The following PLCB1 variants were observed in gnomAD, a reference collection of about 807,000 sequenced individuals.
PLCB1 encodes the protein 1-phosphatidylinositol 4,5-bisphosphate phosphodiesterase beta-1.
Under a neutral mutation model 161.8 loss-of-function variants are expected in PLCB1, and 46 were observed. The observed-to-expected ratio is 0.28, with a 90% CI of 0.22 to 0.36. The LOEUF (loss-of-function observed/expected upper bound fraction) is 0.36. Ranked by LOEUF, PLCB1 falls within the 10% of genes least tolerant of loss-of-function variation. The probability of loss-of-function intolerance (pLI) is 1.00; values close to 1 mark genes in which losing one functional copy is unlikely to be tolerated. For synonymous variants in PLCB1, 517 were observed against 503.7 expected (o/e 1.03, Z -0.35); for missense variants, 1,016 against 1,472.5 (o/e 0.69, Z 5.07).
At chr20:8,744,000 T>A (rs1230774209) in intron 23 of PLCB1, among the ~76,000 whole-genome samples, 1 of 152,170 alleles carries the variant, frequency 6.6e-6, no homozygotes, top group African/African-American at 2.4e-5. Flanking sequence ...AAAGATAATT[T>A]ACATAGATAC....
intron 10 of PLCB1, among the ~76,000 whole-genome samples, chr20:8,695,465 G>A (rs977199511): frequency 6.6e-6 from 1 of 152,174 alleles, no homozygotes; most frequent in Non-Finnish European, 1.5e-5. Context: ...ACTTCCTGAG[G>A]CAGAGGCAGG....
In PLCB1 at chr20:8,865,145, G is replaced by GT. The variant is rs904264524; in HGVS notation, c.3424-16469dup. Among the ~76,000 whole-genome samples the GT allele has an allele frequency of 1.1e-4, 16 of 152,128 alleles. No individual in the cohort carries two copies. The South Asian group carries it at 1.2e-3, about 12-fold the overall frequency. Reference sequence around the variant, plus strand: ...AGTGATAACAATGGAAGAAAAGGGAGTTTTTTTTCATCCTTGCACTTTCCT... The same window carrying GT: ...AGTGATAACAATGGAAGAAAAGGGAGTTTTTTTTTCATCCTTGCACTTTCCT... On this transcript the variant is annotated intron_variant, in intron 31 of 31. Transcript: ENST00000338037.
In PLCB1 at chr20:8,733,257, T is replaced by C. The variant is rs778595698; in HGVS notation, c.1908T>C (p.Asn636=). The C allele has an allele frequency of 1.9e-6, 3 of 1,613,856 alleles. No homozygotes were observed. The highest frequency in any genetic ancestry group is 2.5e-6 in the Non-Finnish European group (3 of 1,179,882). The part of the protein sequence containing the change: ...FQTMDLAMQI[N]MGMYEYNGKS... ...ACTCAGACCTGGCTATGCAAATAAA[T>C]ATGGGGATGTATGAATACAACGGGA... The change falls in exon 19 of 32, where the codon AAT becomes AAC. Residue 636 remains asparagine, a synonymous_variant. Transcript: ENST00000338037.
chr20:8,431,530 C>T (rs1444994960), intron 3 of PLCB1, among the ~76,000 whole-genome samples: 1 of 152,092 alleles, frequency 6.6e-6, no homozygotes, highest in East Asian at 1.9e-4. Context: ...GGTTTGCCAC[C>T]AAAGGAGTTT....
At chr20:8,160,117 C>CT (rs2051607787) in intron 2 of PLCB1, among the ~76,000 whole-genome samples, 1 of 151,996 alleles carries the variant, frequency 6.6e-6, no homozygotes, top group Admixed American at 6.6e-5. Flanking sequence ...TTTGCTAAAA[C>CT]ATAACAAGAG....
intron 3 of PLCB1, among the ~76,000 whole-genome samples, chr20:8,527,952 A>T (rs1984647563): frequency 6.6e-6 from 1 of 152,106 alleles, no homozygotes; most frequent in Admixed American, 6.6e-5. Context: ...AATATTATGT[A>T]TATGGAGGTG....
intron 3 of PLCB1, among the ~76,000 whole-genome samples, chr20:8,472,444 A>G (rs1158020427): frequency 2.6e-5 from 4 of 152,214 alleles, no homozygotes; most frequent in Non-Finnish European, 5.9e-5. Context: ...AAGCCCCAAT[A>G]TAATAAAGCC....
intron 2 of PLCB1, among the ~76,000 whole-genome samples, chr20:8,348,575 G>A (rs180911091): frequency 1.4e-4 from 21 of 152,256 alleles, no homozygotes; most frequent in African/African-American, 2.6e-4. Context: ...GGGATTGAGA[G>A]GTTGTCAGAG....
chr20:8,857,388 T>G (rs890253150), intron 31 of PLCB1, among the ~76,000 whole-genome samples: 3 of 152,236 alleles, frequency 2.0e-5, no homozygotes, highest in Non-Finnish European at 4.4e-5. Flanking sequence ...TCTATATTGT[T>G]AAATGTTGCT....
chr20:8,649,369 C>G lies in PLCB1; in HGVS notation c.519-5C>G. 2.5e-6 allele frequency: 4 copies of G among 1,610,824 alleles called. No homozygotes were observed. The highest frequency in any genetic ancestry group is 3.4e-6 in the Non-Finnish European group (4 of 1,177,036). ...CCTCTCTCCTTTGTTGTGTTCACTTCACAGCATATATCGCTTGTTTTCAGC... is the reference window on the plus strand; with the variant it reads ...CCTCTCTCCTTTGTTGTGTTCACTTGACAGCATATATCGCTTGTTTTCAGC... On this transcript the variant is annotated splice_polypyrimidine_tract_variant and splice_region_variant and intron_variant, in intron 6 of 31. Coordinates refer to ENST00000338037, the MANE Select transcript of PLCB1 (RefSeq NM_015192.4).
In PLCB1 at chr20:8,681,076, ATG is replaced by A. The variant is rs71331325; in HGVS notation, c.863-3846_863-3845del. ...TACTTATATGTATATATGTGTGTAT[ATG>A]TGTGTGTGTATATATATATATATAT... On this transcript the variant is annotated intron_variant, in intron 9 of 31. Transcript: ENST00000338037. Among the ~76,000 whole-genome samples the A allele has an allele frequency of 4.8e-4, 40 of 83,552 alleles. 1 individual carries two copies. The highest frequency in any genetic ancestry group is 1.9e-3 in the Admixed American group (14 of 7,182). The allele number at this position is 83,552 out of a possible 152,430, so 54.8% of individuals were successfully genotyped here.
chr20:8,493,678 A>G (rs762034877), intron 3 of PLCB1, among the ~76,000 whole-genome samples: 5 of 147,234 alleles, frequency 3.4e-5, no homozygotes, highest in Non-Finnish European at 5.9e-5. Context: ...ACCTTGGTGT[A>G]TGAGAGTCTG....
chr20:8,202,885 C>A (rs963355183), intron 2 of PLCB1, among the ~76,000 whole-genome samples: 1 of 152,046 alleles, frequency 6.6e-6, no homozygotes, highest in African/African-American at 2.4e-5. Flanking sequence ...AGGAAGAACA[C>A]GCAGAGAAAG....
chr20:8,587,931 T>C (rs1160937227), intron 3 of PLCB1, among the ~76,000 whole-genome samples: 1 of 152,200 alleles, frequency 6.6e-6, no homozygotes, highest in Non-Finnish European at 1.5e-5. Flanking sequence ...ACTTCCAATT[T>C]TGAAATTGTA....
intron 2 of PLCB1, among the ~76,000 whole-genome samples, chr20:8,352,916 C>G (rs574919257): frequency 6.6e-6 from 1 of 152,064 alleles, no homozygotes; most frequent in Non-Finnish European, 1.5e-5. Flanking sequence ...AATATACATG[C>G]AGATGGATGA....
chr20:8,648,410 T>C (rs1376659894), intron 6 of PLCB1, among the ~76,000 whole-genome samples: 1 of 152,096 alleles, frequency 6.6e-6, no homozygotes, highest in Non-Finnish European at 1.5e-5. Context: ...GCAAACCCTG[T>C]CTAAAGGAGA....
intron 3 of PLCB1, among the ~76,000 whole-genome samples, chr20:8,386,360 A>T (rs1324784526): frequency 6.6e-6 from 1 of 152,194 alleles, no homozygotes; most frequent in East Asian, 1.9e-4. Flanking sequence ...AACAACATTA[A>T]TCTCCTTGTA....
intron 11 of PLCB1, among the ~76,000 whole-genome samples, chr20:8,706,771 A>T (rs1463750235): frequency 6.6e-6 from 1 of 152,184 alleles, no homozygotes; most frequent in Non-Finnish European, 1.5e-5. Flanking sequence ...TCTATGACTT[A>T]AGGTAAGTCA....
intron 3 of PLCB1, among the ~76,000 whole-genome samples, chr20:8,518,179 TC>T (rs1467809928): frequency 7.1e-6 from 1 of 140,868 alleles, no homozygotes; most frequent in Non-Finnish European, 1.6e-5. Flanking sequence ...AGACTCTGTC[TC>T]AAAAAAAAAA....
Sources: gnomAD v4.1 joint callset for allele counts (sites outside exome capture counted in the v4.1 genomes callset) on GRCh38, gnomAD v4.1.1 for gene constraint, MANE v1.5 for transcripts, NCBI Gene and HGNC (gene_info 2026-07-23, HGNC 2026-07-21) for gene names.